S100PBP: variants seen among roughly 807,000 people sequenced by gnomAD.
S100PBP encodes S100P-binding protein.
In S100PBP, 15 loss-of-function variants were observed where a neutral mutation model predicts 39.9. The observed-to-expected ratio is 0.38, with a 90% CI of 0.25 to 0.58. The LOEUF (loss-of-function observed/expected upper bound fraction) is 0.58, where lower values mean the gene tolerates loss of function less well. Ranked by LOEUF, S100PBP falls within the 20% of genes least tolerant of loss-of-function variation. S100PBP has a pLI of 0.70. For missense variants in S100PBP, 504 were observed against 487.3 expected (o/e 1.03, Z -0.32); for synonymous variants, 178 against 180.3 (o/e 0.99, Z 0.10).
intron 1 of S100PBP, chr1:32,818,776 G>T (rs1209060390): frequency 4.6e-5 from 7 of 152,160 alleles, no homozygotes; most frequent in African/African-American, 1.4e-4. Context: ...AGTTCTTTTT[G>T]ATTTTTTGTA....
At chr1:32,816,993 T>C (rs912976930), upstream of S100PBP, 8 of 688,678 alleles carry the variant, frequency 1.2e-5, no homozygotes, top group African/African-American at 1.4e-4. Flanking sequence ...GTGAGCCCAC[T>C]GTGATTTCTG....
intron 5 of S100PBP, chr1:32,843,031 T>C (rs569284271): frequency 6.6e-6 from 1 of 152,346 alleles, no homozygotes; most frequent in Admixed American, 6.5e-5. Context: ...TGTGATGCTT[T>C]TGTAAAATGA....
intron 6 of S100PBP, 128 bp from the exon 7 acceptor site, chr1:32,855,793 AAAT>A: frequency 1.8e-6 from 1 of 565,000 alleles, no homozygotes; most frequent in Non-Finnish European, 3.2e-6. Context: ...GTGAGAATTG[AAAT>A]ATAAAATTAA....
In S100PBP at chr1:32,846,281, G is replaced by A. The variant is rs149020055; in HGVS notation, c.1025-6798G>A. On this transcript the variant is annotated intron_variant, in intron 5 of 6. Transcript: ENST00000373475. ...TGGGATTACAGGCATGAGCCACCAC[G>A]CCTGCCCTCCTTAATTTACTTTTAT... 2.9e-3 allele frequency among the ~76,000 whole-genome samples: 435 copies of A among 151,676 alleles called. 1 individual carries two copies. Among genetic ancestry groups the A allele is most frequent in the African/African-American group, 0.01 (416 of 41,384 alleles).
intron 5 of S100PBP, among the ~76,000 whole-genome samples, chr1:32,845,973 C>T (rs1238808875): frequency 1.3e-5 from 2 of 151,806 alleles, no homozygotes; most frequent in Admixed American, 6.6e-5. Flanking sequence ...GCCACTGGGC[C>T]TTGCCTTAAT....
In S100PBP at chr1:32,826,811, T is replaced by C. The variant is rs779912557; in HGVS notation, c.712T>C (p.Phe238Leu). 2.5e-6 allele frequency: 4 copies of C among 1,613,916 alleles called. No homozygotes were observed. The Admixed American group carries it at 6.7e-5, about 27-fold the overall frequency. The stretch of plus-strand genomic sequence containing the variant: ...TGACAGTGAGAACCCTACGTCTGTA[T>C]TCTCTCGGATCTCAGACCATTCAGA... ...MPDSENPTSV[F>L]SRISDHSETP... is the part of the protein sequence containing the mutation. The change falls in exon 3 of 7, where the codon TTC (phenylalanine) becomes CTC (leucine). Residue 238 changes from phenylalanine to leucine, a missense_variant. By Grantham distance (22) the Phe-to-Leu change is conservative. Transcript: ENST00000373475.
In S100PBP at chr1:32,852,961, G is replaced by A. The variant is rs114043376; in HGVS notation, c.1025-118G>A. 520 of 666,496 alleles carry A rather than the reference G, an allele frequency of 7.8e-4. 2 individuals are homozygous for A. The African/African-American group carries it at 8.1e-3, about 10-fold the overall frequency. The allele number at this position is 666,496 out of a possible 1,614,324, so 41.3% of individuals were successfully genotyped here. A position where few individuals can be genotyped will look rare whatever the true frequency, so the allele number is the denominator to read the frequency against. On this transcript the variant is annotated intron_variant, in intron 5 of 6. Transcript: ENST00000373475. The stretch of plus-strand genomic sequence containing the variant: ...TCTGTGCTCACTGCTTGTGATAATT[G>A]TAAGTATATATTGTTGAGAACAGTG...
Position 32,828,056 on chromosome 1 carries a change from A to T in S100PBP, c.895A>T (p.Ile299Phe), listed in dbSNP as rs765945359. 1 of 1,607,528 alleles carries T rather than the reference A, an allele frequency of 6.2e-7. No homozygotes were observed. Among genetic ancestry groups the T allele is most frequent in the Non-Finnish European group, 8.5e-7 (1 of 1,174,326 alleles). The part of the protein sequence containing the change: ...KGHERRLGKV[I>F]PVLQTKTRTN... ...CCATGAGAGAAGACTAGGCAAAGTC[A>T]TTCCTGTTCTACAAACTAAGACCAG... Residue 299 changes from isoleucine (I) to phenylalanine (F), a missense_variant, in exon 4 of 7, where the codon ATT becomes TTT. By Grantham distance (21) the Ile-to-Phe change is conservative. Coordinates refer to ENST00000373475, the MANE Select transcript of S100PBP (RefSeq NM_022753.4).
chr1:32,854,248 C>A (rs1223146048), intron 6 of S100PBP, among the ~76,000 whole-genome samples: 1 of 152,180 alleles, frequency 6.6e-6, no homozygotes, highest in Admixed American at 6.5e-5. Context: ...CCAAAATCCA[C>A]AGATGCTCAC....
At chr1:32,838,562 G>T (rs1000239527) in intron 5 of S100PBP, among the ~76,000 whole-genome samples, 2 of 151,862 alleles carry the variant, frequency 1.3e-5, no homozygotes, top group African/African-American at 4.8e-5. Flanking sequence ...AAACGTTTTG[G>T]CTGGGTGCAG....
chr1:32,828,184 T>A, intron 4 of S100PBP, 103 bp downstream of exon 4: 1 of 685,856 alleles, frequency 1.5e-6, no homozygotes. Context: ...AAATCCCTAC[T>A]CCAGGAGTAA....
chr1:32,847,478 A>G (rs1640430748), intron 5 of S100PBP: 2 of 151,914 alleles, frequency 1.3e-5, no homozygotes, highest in South Asian at 4.1e-4. Flanking sequence ...TCCCCCATTC[A>G]TCTTAGCTAC....
chr1:32,850,591 T>G (rs1037076432), intron 5 of S100PBP, among the ~76,000 whole-genome samples: 1 of 152,244 alleles, frequency 6.6e-6, no homozygotes, highest in African/African-American at 2.4e-5. Context: ...GTTTTTATCA[T>G]GTTTATTGAT....
intron 1 of S100PBP, among the ~76,000 whole-genome samples, chr1:32,820,975 C>CA (rs1234897907): frequency 6.6e-6 from 1 of 151,104 alleles, no homozygotes; most frequent in Non-Finnish European, 1.5e-5. Flanking sequence ...GACCCTGTCT[C>CA]AAAAAAATAA....
chr1:32,858,758 G>A lies in S100PBP; in HGVS notation c.*2720G>A, dbSNP rs992178272. On this transcript the variant is annotated 3_prime_UTR_variant, in exon 7 of 7. Coordinates refer to ENST00000373475, the MANE Select transcript of S100PBP (RefSeq NM_022753.4). ...TTTCGAATGCAGGCCCTGATTTACT[G>A]GCGTTGTCAGTTTCAATTATGAAAC... 1 of 152,206 alleles carries A rather than the reference G, an allele frequency of 6.6e-6. No individual in the cohort carries two copies. Among genetic ancestry groups the A allele is most frequent in the Admixed American group, 6.5e-5 (1 of 15,296 alleles). 9.4% of individuals were successfully genotyped at this position (152,206 alleles called of 1,614,324 possible).
At chr1:32,840,818 C>T (rs373165547) in intron 5 of S100PBP, among the ~76,000 whole-genome samples, 24 of 152,002 alleles carry the variant, frequency 1.6e-4, no homozygotes, top group Admixed American at 6.6e-4. Context: ...TGCTTATTTG[C>T]CACCTGTATA....
chr1:32,833,436 A>T (rs1569874240), intron 5 of S100PBP, among the ~76,000 whole-genome samples: 1 of 149,772 alleles, frequency 6.7e-6, no homozygotes, highest in Non-Finnish European at 1.5e-5. Flanking sequence ...ATCTCGGCTC[A>T]CTGCAGCCTC....
chr1:32,845,461 G>A (rs1640323981), intron 5 of S100PBP, among the ~76,000 whole-genome samples: 1 of 151,898 alleles, frequency 6.6e-6, no homozygotes, highest in African/African-American at 2.4e-5. Flanking sequence ...AATAGAGATG[G>A]TATCTCACTG....
At chr1:32,852,027 G>A (rs887470288) in intron 5 of S100PBP, among the ~76,000 whole-genome samples, 3 of 152,108 alleles carry the variant, frequency 2.0e-5, no homozygotes, top group East Asian at 3.9e-4. Context: ...TGAATCCTGG[G>A]TCATCAAGAA....
Sources: allele counts gnomAD v4.1 joint callset (sites outside exome capture counted in the v4.1 genomes callset), GRCh38; gene constraint gnomAD v4.1.1; transcripts MANE v1.5; gene names NCBI Gene and HGNC (gene_info 2026-07-23, HGNC 2026-07-21).